The following CFAP54 variants were observed in gnomAD, a reference collection of about 807,000 sequenced individuals.
CFAP54 encodes the protein cilia and flagella associated protein 54.
A neutral mutation model predicts 370.4 loss-of-function variants in CFAP54; 290 were observed. That is an observed-to-expected ratio of 0.78 (90% CI 0.71 to 0.86). CFAP54 has a LOEUF of 0.86. Among genes scored for constraint, CFAP54 ranks in the 40% least tolerant of loss-of-function variants. CFAP54 has a pLI of 0.00. For synonymous variants in CFAP54, 1,206 were observed against 1,236.5 expected (o/e 0.98, Z 0.52); for missense variants, 3,399 against 3,528.7 (o/e 0.96, Z 0.93).
chr12:96,615,839 T>A (rs1240855009), intron 26 of CFAP54, among the ~76,000 whole-genome samples: 1 of 151,014 alleles, frequency 6.6e-6, no homozygotes, highest in Non-Finnish European at 1.5e-5. Context: ...GTTAGAATGG[T>A]GATCATTAAA....
rs2136545245 is a variant in CFAP54 at position 96,678,255 on chromosome 12, T to A, written c.5564-1345T>A. The stretch of plus-strand genomic sequence containing the variant: ...GTTAACTTCTATACCCCTTCGTTTT[T>A]GTATTTTTAATTAATTTTTTTCTGA... On this transcript the variant is annotated intron_variant, in intron 39 of 67. Transcript: ENST00000524981. Among the ~76,000 whole-genome samples the A allele has an allele frequency of 2.0e-5, 3 of 152,294 alleles. No homozygotes were observed. The East Asian group carries it at 5.8e-4, about 29-fold the overall frequency.
chr12:96,585,076 C>T (rs1373143831), intron 22 of CFAP54, among the ~76,000 whole-genome samples: 6 of 151,806 alleles, frequency 4.0e-5, no homozygotes, highest in Non-Finnish European at 7.4e-5. Flanking sequence ...TACTCTGTTG[C>T]CCAGGCTGGA....
chr12:96,494,315 T>TG (rs995669360), intron 1 of CFAP54, among the ~76,000 whole-genome samples: 1 of 152,162 alleles, frequency 6.6e-6, no homozygotes, highest in African/African-American at 2.4e-5. Context: ...TAATTTTTTT[T>TG]TTTTTGAGAC....
chr12:96,844,575 A>G (rs1959284901), intron 66 of CFAP54, among the ~76,000 whole-genome samples: 1 of 152,230 alleles, frequency 6.6e-6, no homozygotes, highest in East Asian at 1.9e-4. Flanking sequence ...AATTTGTTAC[A>G]GCAGCAGTAA....
chr12:96,822,454 A>G (rs1013286383), intron 65 of CFAP54, among the ~76,000 whole-genome samples: 4 of 152,342 alleles, frequency 2.6e-5, no homozygotes, highest in Non-Finnish European at 5.9e-5. Flanking sequence ...AGCAAGATAC[A>G]ATTGGAAATT....
chr12:96,545,271 T>C (rs1332993113), intron 14 of CFAP54, among the ~76,000 whole-genome samples: 1 of 152,126 alleles, frequency 6.6e-6, no homozygotes, highest in East Asian at 1.9e-4. Context: ...AGGGGAAGGA[T>C]AGCATTAGGA....
chr12:96,647,782 CA>C (rs1592906074), intron 33 of CFAP54, 92 bp from the exon 34 acceptor site: 1 of 1,218,820 alleles, frequency 8.2e-7, no homozygotes, highest in African/African-American at 1.6e-5. Context: ...GGAGTACTCA[CA>C]AATGTTTTAA....
At chr12:96,840,284 C>T (rs887737440) in intron 66 of CFAP54, among the ~76,000 whole-genome samples, 4 of 152,234 alleles carry the variant, frequency 2.6e-5, no homozygotes, top group Non-Finnish European at 5.9e-5. Context: ...TTGAAATAAT[C>T]TATGCAGTTT....
intron 65 of CFAP54, among the ~76,000 whole-genome samples, chr12:96,825,672 A>G (rs1276426199): frequency 1.6e-5 from 2 of 122,564 alleles, no homozygotes; most frequent in African/African-American, 6.6e-5. Context: ...GCTATAATAT[A>G]TTATATATAA....
chr12:96,784,740 A>G lies in CFAP54; in HGVS notation c.8305A>G (p.Thr2769Ala), dbSNP rs1395539950. 5 of 1,525,194 alleles carry G rather than the reference A, an allele frequency of 3.3e-6. No individual in the cohort carries two copies. Among genetic ancestry groups the G allele is most frequent in the Admixed American group, 4.1e-5 (2 of 49,094 alleles). The allele number at this position is 1,525,194 out of a possible 1,614,324, so 94.5% of individuals were successfully genotyped here. Residue 2769 changes from threonine to alanine, a missense_variant, in exon 61 of 68, where the codon ACT becomes GCT. By Grantham distance (58) the Thr-to-Ala change is moderately conservative. Transcript: ENST00000524981. ...LLDNYQVLFQ[T>A]SCTFLYQNDD... ...AGACAACTACCAAGTCCTCTTCCAG[A>G]CTTCCTGTACATTTTTGTACCAAAA...
intron 1 of CFAP54, among the ~76,000 whole-genome samples, chr12:96,498,118 A>G (rs1954978959): frequency 2.0e-5 from 3 of 152,214 alleles, no homozygotes; most frequent in South Asian, 4.1e-4. Context: ...TGATCCTGGA[A>G]CAACTGGATA....
Position 96,826,309 on chromosome 12 carries a change from CAA to C in CFAP54, c.9097-2704_9097-2703del, listed in dbSNP as rs1348976362. ...ATTCAAGACATATATATATAGAAGA[CAA>C]TATATATATTGAATATATATAGTCT... On this transcript the variant is annotated intron_variant, in intron 65 of 67. Transcript: ENST00000524981. Among the ~76,000 whole-genome samples the C allele has an allele frequency of 2.9e-5, 4 of 140,208 alleles. No homozygotes were observed. The East Asian group carries it at 8.0e-4, about 28-fold the overall frequency. 92.0% of individuals were successfully genotyped at this position (140,208 alleles called of 152,430 possible).
chr12:96,551,932 G>T (rs182623041), intron 15 of CFAP54, among the ~76,000 whole-genome samples: 1 of 152,164 alleles, frequency 6.6e-6, no homozygotes, highest in Non-Finnish European at 1.5e-5. Flanking sequence ...GCAGAGAAAA[G>T]GTGTAAGTAC....
intron 45 of CFAP54, among the ~76,000 whole-genome samples, chr12:96,694,967 G>C (rs758428509): frequency 2.0e-5 from 3 of 152,082 alleles, no homozygotes; most frequent in Admixed American, 6.6e-5. Flanking sequence ...GTTGCAGTGA[G>C]CTGAGATTGC....
At chr12:96,845,646 G>A (rs901279834) in intron 66 of CFAP54, among the ~76,000 whole-genome samples, 1 of 152,218 alleles carries the variant, frequency 6.6e-6, no homozygotes, top group Non-Finnish European at 1.5e-5. Context: ...TTGCAGCCCA[G>A]CTTCTCCCTC....
intron 14 of CFAP54, among the ~76,000 whole-genome samples, chr12:96,545,059 G>A (rs1011936803): frequency 6.6e-6 from 1 of 152,022 alleles, no homozygotes; most frequent in Admixed American, 6.6e-5. Context: ...TTACAGGCAT[G>A]AGCCACCACA....
intron 5 of CFAP54, among the ~76,000 whole-genome samples, chr12:96,518,061 T>C (rs1955259438): frequency 6.6e-6 from 1 of 152,234 alleles, no homozygotes; most frequent in South Asian, 2.1e-4. Flanking sequence ...ACGTTGTCAC[T>C]TTCTCCATAA....
At chr12:96,510,306 G>A (rs928296236) in intron 4 of CFAP54, among the ~76,000 whole-genome samples, 29 of 151,084 alleles carry the variant, frequency 1.9e-4, no homozygotes, top group African/African-American at 6.3e-4. Flanking sequence ...AATACCCTGA[G>A]ATCATAAAGA....
chr12:96,664,622 A>ATGTGTGTGTG lies in CFAP54; in HGVS notation c.5563+716_5563+725dup, dbSNP rs55839375. Among the ~76,000 whole-genome samples, 915 of 115,236 alleles carry ATGTGTGTGTG rather than the reference A, an allele frequency of 7.9e-3. 21 individuals are homozygous for ATGTGTGTGTG. Among genetic ancestry groups the ATGTGTGTGTG allele is most frequent in the African/African-American group, 0.03 (850 of 28,234 alleles). 75.6% of individuals were successfully genotyped at this position (115,236 alleles called of 152,430 possible). ...TCCAGCTGTGCCTTACCAAGAACGT[A>ATGTGTGTGTG]TGTGTGTGTGTGTGTGTGTGTGTGT... On this transcript the variant is annotated intron_variant, in intron 39 of 67. Coordinates refer to ENST00000524981, the MANE Select transcript of CFAP54 (RefSeq NM_001306084.2).
Sources: allele counts gnomAD v4.1 joint callset (sites outside exome capture counted in the v4.1 genomes callset), GRCh38; gene constraint gnomAD v4.1.1; transcripts MANE v1.5; gene names NCBI Gene and HGNC (gene_info 2026-07-23, HGNC 2026-07-21).